Variants in HPSE2 observed in about 807,000 individuals in gnomAD.
HPSE2 encodes heparanase 2 (inactive), also known as inactive heparanase-2.
A neutral mutation model predicts 60.5 loss-of-function variants in HPSE2; 38 were observed. That is an observed-to-expected ratio of 0.63 (90% CI 0.48 to 0.82). The LOEUF is 0.82. Ranked by LOEUF, HPSE2 falls within the 40% of genes least tolerant of loss-of-function variation. HPSE2 has a pLI of 0.00. For missense variants in HPSE2, 713 were observed against 740.4 expected, an observed-to-expected ratio of 0.96 and a Z score of 0.43; for synonymous variants, 295 against 293.2, an observed-to-expected ratio of 1.01 and a Z score of -0.06.
At chr10:99,050,514 T>C (rs914291094) in intron 3 of HPSE2, among the ~76,000 whole-genome samples, 5 of 152,134 alleles carry the variant, frequency 3.3e-5, no homozygotes, top group Admixed American at 6.5e-5. Flanking sequence ...GAATTATGTA[T>C]GTCAAAGAGA....
In HPSE2 at chr10:98,955,335, T is replaced by C. The variant is rs191776238; in HGVS notation, c.610+188903A>G. Among the ~76,000 whole-genome samples, 125 of 152,238 alleles carry C rather than the reference T, an allele frequency of 8.2e-4. 1 individual carries two copies. The highest frequency in any genetic ancestry group is 5.9e-5 in the Non-Finnish European group (4 of 68,014). ...TATTTCCCAAAAGTAGCCATTTATG[T>C]GGACAAACATATTTTTTTAAAAAGC... On this transcript the variant is annotated intron_variant, in intron 3 of 11. Transcript: ENST00000370552.
chr10:98,621,420 T>C lies in HPSE2; in HGVS notation c.1099-712A>G, dbSNP rs541574098. Among the ~76,000 whole-genome samples, 589 of 152,288 alleles carry C rather than the reference T, an allele frequency of 3.9e-3. 1 individual carries two copies. The highest frequency in any genetic ancestry group is 6.2e-3 in the Non-Finnish European group (420 of 68,026). On this transcript the variant is annotated intron_variant, in intron 7 of 11. Transcript: ENST00000370552. ...ACTATTCAGATCAGTGTGCAGATGC[T>C]TGGGGCTGCAATCGGCACTTAGGAG...
intron 10 of HPSE2, among the ~76,000 whole-genome samples, chr10:98,488,961 A>C (rs962696855): frequency 2.0e-5 from 3 of 152,094 alleles, no homozygotes; most frequent in African/African-American, 7.2e-5. Context: ...ATCATGATAA[A>C]TTAATTGGCT....
chr10:98,710,997 T>C (rs1265373621), intron 5 of HPSE2, among the ~76,000 whole-genome samples: 1 of 152,000 alleles, frequency 6.6e-6, no homozygotes, highest in Non-Finnish European at 1.5e-5. Flanking sequence ...TGGAACAAGA[T>C]AGAGGCAGAT....
At chr10:98,986,735 T>A (rs1305205013) in intron 3 of HPSE2, among the ~76,000 whole-genome samples, 1 of 151,436 alleles carries the variant, frequency 6.6e-6, no homozygotes, top group Non-Finnish European at 1.5e-5. Flanking sequence ...ACAAAATTGA[T>A]AGACTGCTAG....
chr10:98,739,035 C>A lies in HPSE2; in HGVS notation c.784+4848G>T, dbSNP rs1030069710. Among the ~76,000 whole-genome samples the A allele has an allele frequency of 2.0e-5, 3 of 152,124 alleles. No individual in the cohort carries two copies. In the East Asian group the frequency reaches 5.8e-4, roughly 29 times the overall value. ...GACACATGCACACGTATGTTTATTGCAGCACTATTCACAATAGCAAAAACT... is the reference window on the plus strand; with the variant it reads ...GACACATGCACACGTATGTTTATTGAAGCACTATTCACAATAGCAAAAACT... On this transcript the variant is annotated intron_variant, in intron 4 of 11. Transcript: ENST00000370552.
chr10:98,990,922 A>G (rs1358437638), intron 3 of HPSE2, among the ~76,000 whole-genome samples: 2 of 152,170 alleles, frequency 1.3e-5, no homozygotes, highest in Non-Finnish European at 2.9e-5. Flanking sequence ...ATATTCTAAC[A>G]TAACATCCTA....
intron 3 of HPSE2, among the ~76,000 whole-genome samples, chr10:99,134,031 G>A (rs1845549709): frequency 6.6e-6 from 1 of 152,152 alleles, no homozygotes; most frequent in African/African-American, 2.4e-5. Context: ...GAACATAAAT[G>A]ACCTGATGGA....
chr10:98,660,198 G>T (rs370771580), intron 6 of HPSE2, among the ~76,000 whole-genome samples: 86 of 152,272 alleles, frequency 5.6e-4, no homozygotes, highest in African/African-American at 1.9e-3. Flanking sequence ...AGAGGCAGCT[G>T]ATCCCTGAGG....
intron 3 of HPSE2, among the ~76,000 whole-genome samples, chr10:98,855,266 T>C (rs1017058739): frequency 1.3e-5 from 2 of 152,122 alleles, no homozygotes; most frequent in Non-Finnish European, 1.5e-5. Context: ...GAGTTTTGCA[T>C]TTACTCACAG....
At chr10:99,302,350 T>A in the HPSE2 span, among the ~76,000 whole-genome samples, 3 of 144,840 alleles carry the variant, frequency 2.1e-5, no homozygotes, top group Admixed American at 1.4e-4. Flanking sequence ...CACTTTGAGA[T>A]CCTGGAACTT....
chr10:99,270,052 C>G, the HPSE2 span, among the ~76,000 whole-genome samples: 1 of 152,090 alleles, frequency 6.6e-6, no homozygotes, highest in Admixed American at 6.6e-5. Flanking sequence ...AATAGACAAT[C>G]TTAAGGTCAC....
the HPSE2 span, among the ~76,000 whole-genome samples, chr10:99,258,610 G>A: frequency 5.9e-5 from 9 of 152,230 alleles, no homozygotes; most frequent in South Asian, 8.3e-4. Flanking sequence ...TGGGGCCAAC[G>A]TTGCCTGATT....
intron 9 of HPSE2, among the ~76,000 whole-genome samples, chr10:98,535,716 C>G (rs75402811): frequency 6.6e-6 from 1 of 152,194 alleles, no homozygotes; most frequent in Non-Finnish European, 1.5e-5. Context: ...TTTGTTCTGC[C>G]CTTAGTAGAG....
At chr10:99,310,817 T>A in the HPSE2 span, among the ~76,000 whole-genome samples, 2 of 152,128 alleles carry the variant, frequency 1.3e-5, no homozygotes, top group Admixed American at 6.5e-5. Context: ...TTAGTAGCGA[T>A]GAGGTTATGC....
intron 3 of HPSE2, chr10:99,013,915 T>G (rs1169925983): frequency 1.9e-5 from 8 of 430,394 alleles, no homozygotes; most frequent in South Asian, 1.4e-4. Context: ...CTCCTGGTGA[T>G]TGAACAGTCT....
intron 9 of HPSE2, among the ~76,000 whole-genome samples, chr10:98,498,233 T>C (rs532183958): frequency 1.6e-4 from 24 of 152,208 alleles, no homozygotes; most frequent in African/African-American, 5.1e-4. Context: ...CTGAAGGAAG[T>C]GGACTGCTTC....
At chr10:98,519,841 C>T (rs1942728858) in intron 9 of HPSE2, among the ~76,000 whole-genome samples, 1 of 152,182 alleles carries the variant, frequency 6.6e-6, no homozygotes, top group Non-Finnish European at 1.5e-5. Flanking sequence ...CCAGACCCCT[C>T]CAGGAAAGCC....
chr10:99,231,463 G>C (rs980122507), intron 2 of HPSE2, among the ~76,000 whole-genome samples: 1 of 152,154 alleles, frequency 6.6e-6, no homozygotes, highest in Non-Finnish European at 1.5e-5. Flanking sequence ...GTGCCTCTTT[G>C]AAAGTACATC....
Sources: allele counts gnomAD v4.1 joint callset (sites outside exome capture counted in the v4.1 genomes callset), GRCh38; gene constraint gnomAD v4.1.1; transcripts MANE v1.5; gene names NCBI Gene and HGNC (gene_info 2026-07-23, HGNC 2026-07-21).